Variants in KYAT1 observed in about 807,000 individuals in gnomAD.
KYAT1 encodes the protein kynurenine aminotransferase 1, also known as kynurenine--oxoglutarate transaminase 1.
In KYAT1, 47 loss-of-function variants were observed where a neutral mutation model predicts 52.4. That is an observed-to-expected ratio of 0.90 (90% CI 0.71 to 1.14). The LOEUF is 1.14. Among genes scored for constraint, KYAT1 ranks in the 50% most tolerant of loss-of-function variants. KYAT1 has a pLI of 0.00. For missense variants in KYAT1, 480 were observed against 557.9 expected (o/e 0.86, Z 1.41); for synonymous variants, 212 against 209.6 (o/e 1.01, Z -0.10).
intron 1 of KYAT1, among the ~76,000 whole-genome samples, chr9:128,849,883 C>CTTT (rs537211110): frequency 3.5e-4 from 32 of 91,958 alleles, no homozygotes; most frequent in African/African-American, 7.6e-4. Context: ...TTATTTTCTT[C>CTTT]TTTTTTTTTT....
intron 2 of KYAT1, 37 bp downstream of exon 2, chr9:128,845,316 G>C: frequency 6.3e-7 from 1 of 1,599,230 alleles, no homozygotes; most frequent in Non-Finnish European, 8.6e-7. Flanking sequence ...CATGCCCGAG[G>C]GGACACCCAC....
At chr9:128,855,407 C>G (rs1019763014) in intron 1 of KYAT1, among the ~76,000 whole-genome samples, 65 of 152,208 alleles carry the variant, frequency 4.3e-4, no homozygotes, top group Non-Finnish European at 1.3e-4. Flanking sequence ...TCCTGAACAT[C>G]CAGCATTATG....
intron 1 of KYAT1, among the ~76,000 whole-genome samples, chr9:128,865,341 A>G (rs1310226011): frequency 5.7e-4 from 1 of 1,766 alleles, no homozygotes; most frequent in Non-Finnish European, 1.6e-3. Flanking sequence ...ATATATATAT[A>G]TATATATATA....
intron 11 of KYAT1, 54 bp downstream of exon 11, chr9:128,835,269 G>T: frequency 2.0e-6 from 3 of 1,475,026 alleles, no homozygotes; most frequent in Non-Finnish European, 1.9e-6. Context: ...GCACCCTTGA[G>T]CAGCACACAA....
chr9:128,836,875 C>T lies in KYAT1; in HGVS notation c.615G>A (p.Gln205=). Residue 205 remains glutamine (Q), a synonymous_variant, in exon 7 of 13, where the codon CAG becomes CAA. Coordinates refer to ENST00000302586, the MANE Select transcript of KYAT1 (RefSeq NM_004059.5). ...ELELVASLCQ[Q]HDVVCITDEV... ...CATCAGTGATACACACCACGTCATG[C>T]TGCTGGCAAAGGCTGGCCACCAGCT... is the stretch of plus-strand genomic sequence containing the variant. 1 of 1,613,948 alleles carries T rather than the reference C, an allele frequency of 6.2e-7. No homozygotes were observed. The highest frequency in any genetic ancestry group is 1.1e-5 in the South Asian group (1 of 91,086).
intron 2 of KYAT1, among the ~76,000 whole-genome samples, chr9:128,843,211 C>A (rs1216367307): frequency 6.6e-6 from 1 of 152,014 alleles, no homozygotes; most frequent in Admixed American, 6.6e-5. Context: ...CATACACACA[C>A]AAGAAAAACA....
At chr9:128,846,667 G>T in intron 1 of KYAT1, 1 of 1,493,108 alleles carries the variant, frequency 6.7e-7, no homozygotes, top group Non-Finnish European at 9.0e-7. Context: ...ACCAAACTCA[G>T]GTCCTAACCC....
At chr9:128,833,908 C>T (rs1022764380) in intron 11 of KYAT1, 82 bp from the exon 12 acceptor site, 28 of 1,103,090 alleles carry the variant, frequency 2.5e-5, no homozygotes, top group Admixed American at 2.1e-4. Flanking sequence ...GAGGTTCCCA[C>T]GACCAGGCGG....
chr9:128,835,952 A>G (rs1207784245), intron 8 of KYAT1, 45 bp downstream of exon 8: 2 of 1,603,190 alleles, frequency 1.2e-6, no homozygotes, highest in Admixed American at 1.7e-5. Context: ...CTCACTTGCC[A>G]AGGATCTTGC....
chr9:128,879,250 C>A (rs1449426772), intron 1 of KYAT1, among the ~76,000 whole-genome samples: 3 of 151,678 alleles, frequency 2.0e-5, no homozygotes, highest in Non-Finnish European at 2.9e-5. Context: ...GTGGAGCTTG[C>A]AGTGAGCCGA....
At chr9:128,875,240 T>A (rs1167902103) in intron 1 of KYAT1, among the ~76,000 whole-genome samples, 1 of 147,780 alleles carries the variant, frequency 6.8e-6, no homozygotes, top group Non-Finnish European at 1.5e-5. Context: ...TTCAATTTGT[T>A]TTTTTTTGTT....
At chr9:128,836,302 G>T (rs4837320) in intron 7 of KYAT1, among the ~76,000 whole-genome samples, 183 of 92,658 alleles carry the variant, frequency 2.0e-3, no homozygotes, top group African/African-American at 5.2e-3. Flanking sequence ...TTCTTTCTTT[G>T]TTTTTTTTTT....
At chr9:128,880,934 T>A (rs983914077) in intron 1 of KYAT1, among the ~76,000 whole-genome samples, 1 of 152,320 alleles carries the variant, frequency 6.6e-6, no homozygotes, top group South Asian at 2.1e-4. Context: ...TTTCTCGCCC[T>A]GGCCCAGGTA....
chr9:128,834,498 C>G (rs946654012), intron 11 of KYAT1, among the ~76,000 whole-genome samples: 1 of 151,974 alleles, frequency 6.6e-6, no homozygotes, highest in African/African-American at 2.4e-5. Context: ...GAAATCCTGC[C>G]AGCCCACACA....
chr9:128,845,620 T>A, intron 1 of KYAT1: 1 of 554,728 alleles, frequency 1.8e-6, no homozygotes, highest in Non-Finnish European at 3.2e-6. Context: ...TCCTCTTGAC[T>A]CCAGCAGCCT....
At chr9:128,857,926 T>C (rs1254230735) in intron 1 of KYAT1, among the ~76,000 whole-genome samples, 1 of 152,162 alleles carries the variant, frequency 6.6e-6, no homozygotes. Flanking sequence ...TCTGTGACCT[T>C]GGGGTTCTAG....
Position 128,835,845 on chromosome 9 carries a change from A to G in KYAT1, c.789T>C (p.Asp263=), listed in dbSNP as rs1257633587. 1.9e-6 allele frequency: 3 copies of G among 1,613,860 alleles called. No individual in the cohort carries two copies. Among genetic ancestry groups the G allele is most frequent in the African/African-American group, 1.3e-5 (1 of 74,876 alleles). ...GWKVGWVLGP[D]HIMKHLRTVH... is the part of the protein sequence containing the mutation. ...CGGTCCGCAGGTGCTTCATGATGTG[A>G]TCTGGACCCAGGACCCAGCCCACCT... The change falls in exon 9 of 13, where the codon GAT becomes GAC. Residue 263 remains aspartate, a synonymous_variant. Transcript: ENST00000302586.
chr9:128,881,158 G>A (rs1401940348), intron 1 of KYAT1, among the ~76,000 whole-genome samples: 2 of 152,066 alleles, frequency 1.3e-5, no homozygotes, highest in South Asian at 2.1e-4. Context: ...TCGGCTCACT[G>A]CAAGCTCCAC....
chr9:128,865,563 C>T (rs926968619), intron 1 of KYAT1, among the ~76,000 whole-genome samples: 11 of 150,484 alleles, frequency 7.3e-5, no homozygotes, highest in African/African-American at 9.9e-5. Flanking sequence ...GGTTTCACTA[C>T]GTTGTCCAGG....
Sources: allele counts gnomAD v4.1 joint callset (sites outside exome capture counted in the v4.1 genomes callset), GRCh38; gene constraint gnomAD v4.1.1; transcripts MANE v1.5; gene names NCBI Gene and HGNC (gene_info 2026-07-23, HGNC 2026-07-21).